The following ADCY8 variants were observed in gnomAD, a reference collection of about 807,000 sequenced individuals.
The protein encoded by ADCY8 is adenylate cyclase type 8.
Under a neutral mutation model 119.7 loss-of-function variants are expected in ADCY8, and 51 were observed. The observed-to-expected ratio is 0.43, with a 90% CI of 0.34 to 0.54. The LOEUF (loss-of-function observed/expected upper bound fraction) is 0.54, where lower values mean the gene tolerates loss of function less well. Ranked by LOEUF, ADCY8 falls within the 20% of genes least tolerant of loss-of-function variation. The pLI, the probability that ADCY8 is intolerant of heterozygous loss-of-function variation, is 0.03. For synonymous variants in ADCY8, 665 were observed against 651.0 expected, an observed-to-expected ratio of 1.02 and a Z score of -0.33; for missense variants, 1,383 against 1,598.8, an observed-to-expected ratio of 0.87 and a Z score of 2.30.
chr8:131,040,145 T>C lies in ADCY8; in HGVS notation c.189A>G (p.Gly63=). ...GHRGGSGSGS[G]GSGKASDPAG... is the part of the protein sequence containing the mutation. Reference sequence around the variant, plus strand: ...CAGGGTCCGAGGCTTTGCCCGAGCCTCCACTCCCGCTGCCGCTGCCTCCCC... The same window carrying C: ...CAGGGTCCGAGGCTTTGCCCGAGCCCCCACTCCCGCTGCCGCTGCCTCCCC... Residue 63 remains glycine, a synonymous_variant, in exon 1 of 18, where the codon GGA becomes GGG. Transcript: ENST00000286355. 1 of 1,532,626 alleles carries C rather than the reference T, an allele frequency of 6.5e-7. No homozygotes were observed. The highest frequency in any genetic ancestry group is 8.7e-7 in the Non-Finnish European group (1 of 1,145,368). The allele number at this position is 1,532,626 out of a possible 1,614,324, so 94.9% of individuals were successfully genotyped here. A position where few individuals can be genotyped will look rare whatever the true frequency, so the allele number is the denominator to read the frequency against.
At chr8:130,783,575 A>T in intron 17 of ADCY8, 116 bp downstream of exon 17, 1 of 658,572 alleles carries the variant, frequency 1.5e-6, no homozygotes, top group Non-Finnish European at 2.6e-6. Flanking sequence ...GGGTCATGCT[A>T]GATCTATTGC....
intron 7 of ADCY8, chr8:130,892,705 T>G (rs761430934): frequency 8.5e-5 from 13 of 152,276 alleles, no homozygotes; most frequent in Admixed American, 7.2e-4. Context: ...TAGACACAGA[T>G]GTACTCTCCT....
chr8:130,824,040 C>T (rs1363162919), intron 12 of ADCY8, among the ~76,000 whole-genome samples: 23 of 152,104 alleles, frequency 1.5e-4, no homozygotes, highest in Non-Finnish European at 3.1e-4. Context: ...CTGAGGCCCA[C>T]GGAGGAGTAG....
intron 1 of ADCY8, among the ~76,000 whole-genome samples, chr8:131,011,425 C>A (rs1352834393): frequency 2.0e-5 from 3 of 152,020 alleles, no homozygotes; most frequent in Non-Finnish European, 4.4e-5. Context: ...ATGGATGGGA[C>A]CTGAAAGAAT....
At position 130,867,356 on chromosome 8, in the gene ADCY8, G is replaced by A. The variant is rs1006398511; in HGVS notation, c.2210+490C>T. Among the ~76,000 whole-genome samples the A allele has an allele frequency of 5.3e-5, 8 of 152,248 alleles. No individual in the cohort carries two copies. In the South Asian group the frequency reaches 8.3e-4, roughly 16 times the overall value. On this transcript the variant is annotated intron_variant, in intron 9 of 17. Transcript: ENST00000286355. ...CTCAGTTCCCTCCTCTTTAAAATGA[G>A]GATAATCATGGCACCTACCTCATAA...
rs369389006 is a variant in ADCY8, at chr8:130,831,864, G to C, written c.2675+4413C>G. On this transcript the variant is annotated intron_variant, in intron 12 of 17. Coordinates refer to ENST00000286355, the MANE Select transcript of ADCY8 (RefSeq NM_001115.3). ...TCCAGAGTGGCAGCATTTGTGATAT[G>C]GAGGGGTGATGTCTAATAACAAACA... Among the ~76,000 whole-genome samples, 23 of 152,282 alleles carry C rather than the reference G, an allele frequency of 1.5e-4. 1 individual carries two copies. The South Asian group carries it at 4.8e-3, about 32-fold the overall frequency.
chr8:130,974,547 G>GT (rs565282370), intron 2 of ADCY8, among the ~76,000 whole-genome samples: 6 of 152,158 alleles, frequency 3.9e-5, no homozygotes, highest in South Asian at 2.1e-4. Flanking sequence ...ATAAAGGTAA[G>GT]TTTTTTTGTG....
At chr8:130,809,888 G>A (rs558281146) in intron 14 of ADCY8, among the ~76,000 whole-genome samples, 1 of 152,350 alleles carries the variant, frequency 6.6e-6, no homozygotes, top group Admixed American at 6.5e-5. Flanking sequence ...ATACACAAAA[G>A]TTACAACTAA....
At chr8:130,846,893 TTCCTTCCTTCC>T (rs1379832868) in intron 11 of ADCY8, among the ~76,000 whole-genome samples, 5 of 49,956 alleles carry the variant, frequency 1.0e-4, no homozygotes, top group East Asian at 5.5e-4. Flanking sequence ...TTCCCTTTCC[TTCCTTCCTTCC>T]TTCCTTCCTT....
At chr8:130,843,086 CATATT>C (rs1357943522) in intron 11 of ADCY8, among the ~76,000 whole-genome samples, 1 of 152,008 alleles carries the variant, frequency 6.6e-6, no homozygotes, top group Non-Finnish European at 1.5e-5. Flanking sequence ...TTCTAGGACA[CATATT>C]AAATTATTTT....
chr8:130,943,597 A>G, intron 3 of ADCY8, 135 bp from the exon 4 acceptor site: 1 of 617,450 alleles, frequency 1.6e-6, no homozygotes, highest in Non-Finnish European at 2.9e-6. Context: ...TGCTGCCATG[A>G]GAGTCAGGAG....
intron 7 of ADCY8, among the ~76,000 whole-genome samples, chr8:130,889,949 C>T (rs1437468512): frequency 6.6e-6 from 1 of 152,114 alleles, no homozygotes; most frequent in African/African-American, 2.4e-5. Flanking sequence ...TTGTCCTTAT[C>T]ACCATTACTA....
At chr8:130,791,950 T>C (rs1218828679) in intron 15 of ADCY8, among the ~76,000 whole-genome samples, 5 of 152,240 alleles carry the variant, frequency 3.3e-5, no homozygotes, top group Non-Finnish European at 7.3e-5. Context: ...CACTTTCCTT[T>C]CTACTTGTCT....
chr8:130,900,653 T>C (rs1018958501), intron 7 of ADCY8, among the ~76,000 whole-genome samples: 5 of 152,330 alleles, frequency 3.3e-5, no homozygotes, highest in East Asian at 3.9e-4. Flanking sequence ...CTGACAACTT[T>C]GACTGTTTCT....
At chr8:130,842,931 T>C (rs530047899) in intron 11 of ADCY8, among the ~76,000 whole-genome samples, 6 of 152,022 alleles carry the variant, frequency 3.9e-5, no homozygotes, top group African/African-American at 1.4e-4. Context: ...GTTGGTCTTC[T>C]TTGGTTGATT....
At chr8:130,879,442 T>A (rs1818688487) in intron 8 of ADCY8, among the ~76,000 whole-genome samples, 2 of 152,188 alleles carry the variant, frequency 1.3e-5, no homozygotes, top group African/African-American at 4.8e-5. Flanking sequence ...ATAATAATTT[T>A]AAAAATAAAA....
intron 7 of ADCY8, among the ~76,000 whole-genome samples, chr8:130,898,322 G>A (rs34829883): frequency 0.5 from 73,987 of 147,530 alleles, 19,112 homozygotes; most frequent in East Asian, 0.64. Flanking sequence ...TACCTGTCCC[G>A]AAGCTCTCTA....
At chr8:130,981,139 G>A (rs1416603014) in intron 2 of ADCY8, among the ~76,000 whole-genome samples, 1 of 152,140 alleles carries the variant, frequency 6.6e-6, no homozygotes, top group Non-Finnish European at 1.5e-5. Context: ...TTTCAAATGA[G>A]GTGTGGGCAA....
intron 1 of ADCY8, among the ~76,000 whole-genome samples, chr8:131,008,805 T>C (rs1377984438): frequency 6.6e-6 from 1 of 152,274 alleles, no homozygotes; most frequent in Non-Finnish European, 1.5e-5. Flanking sequence ...CTGATAGTGA[T>C]ATGGACAATG....
Sources: gnomAD v4.1 joint callset for allele counts (sites outside exome capture counted in the v4.1 genomes callset) on GRCh38, gnomAD v4.1.1 for gene constraint, MANE v1.5 for transcripts, NCBI Gene and HGNC (gene_info 2026-07-23, HGNC 2026-07-21) for gene names.